Variants in UPB1 observed in about 807,000 individuals in gnomAD.
UPB1 encodes the protein beta-ureidopropionase.
Under a neutral mutation model 49.1 loss-of-function variants are expected in UPB1, and 40 were observed. That is an observed-to-expected ratio of 0.81 (90% confidence interval 0.63 to 1.06). UPB1 has a LOEUF of 1.06. Among genes scored for constraint, UPB1 ranks in the 50% least tolerant of loss-of-function variants. The probability of loss-of-function intolerance (pLI) is 0.00; values close to 1 mark genes in which losing one functional copy is unlikely to be tolerated. For synonymous variants in UPB1, 207 were observed against 198.2 expected, an observed-to-expected ratio of 1.04 and a Z score of -0.38; for missense variants, 499 against 505.9, an observed-to-expected ratio of 0.99 and a Z score of 0.13.
chr22:24,504,904 A>ATTTTTTT (rs56198043), intron 3 of UPB1, among the ~76,000 whole-genome samples: 4 of 109,364 alleles, frequency 3.7e-5, no homozygotes, highest in African/African-American at 1.0e-4. Context: ...ATTTTCTTGA[A>ATTTTTTT]TTTTTTTTTT....
intron 3 of UPB1, 72 bp downstream of exon 3, chr22:24,502,285 GT>G: frequency 6.8e-7 from 1 of 1,467,984 alleles, no homozygotes; most frequent in South Asian, 1.1e-5. Context: ...TGCCAAGAGT[GT>G]CTGCTGCCTG....
At chr22:24,520,823 T>C (rs1327899810) in intron 7 of UPB1, among the ~76,000 whole-genome samples, 1 of 152,204 alleles carries the variant, frequency 6.6e-6, no homozygotes, top group Non-Finnish European at 1.5e-5. Flanking sequence ...AATCAGAAGA[T>C]CTTTTCAGTC....
Position 24,515,242 on chromosome 22 carries a change from C to G in UPB1, c.663C>G (p.Phe221Leu). 6.2e-7 allele frequency: 1 copy of G among 1,614,208 alleles called. No individual in the cohort carries two copies. The highest frequency in any genetic ancestry group is 8.5e-7 in the Non-Finnish European group (1 of 1,180,046). ...AGGGAAACCTGGGCCACCCCGTGTT[C>G]CAGACGCAGTTCGGAAGGATCGCGG... is the stretch of plus-strand genomic sequence containing the variant. The part of the protein sequence containing the change: ...YMEGNLGHPV[F>L]QTQFGRIAVN... Residue 221 changes from phenylalanine to leucine, a missense_variant, in exon 6 of 10, where the codon TTC becomes TTG. Phe to Leu is a conservative substitution (Grantham distance 22). Transcript: ENST00000326010.
rs556265264 is a variant in UPB1, at chr22:24,523,844, G to C, written c.1071+71G>C. On this transcript the variant is annotated intron_variant, in intron 9 of 9. Coordinates refer to ENST00000326010, the MANE Select transcript of UPB1 (RefSeq NM_016327.3). Reference sequence around the variant, plus strand: ...CCTCATCCTGCTCTCAGGAACTGCTGTTGCGGGGTTGCCCATGGCAGCATG... The same window carrying C: ...CCTCATCCTGCTCTCAGGAACTGCTCTTGCGGGGTTGCCCATGGCAGCATG... 606 of 1,607,302 alleles carry C rather than the reference G, an allele frequency of 3.8e-4. 5 individuals carry two copies. Among genetic ancestry groups the C allele is most frequent in the Middle Eastern group, 3.3e-4 (2 of 6,052 alleles).
Position 24,510,755 on chromosome 22 carries a change from C to A in UPB1, c.371C>A (p.Pro124His), listed in dbSNP as rs201546475. ...IICFQEAWTMPFAFCTREKLP... is the reference protein window; with the variant it reads ...IICFQEAWTMHFAFCTREKLP... ...CCCTTTCTCCTATTTATAGCTATGC[C>A]CTTTGCCTTCTGTACGAGAGAGAAG... Residue 124 changes from proline (P) to histidine (H), a missense_variant, in exon 4 of 10, where the codon CCC becomes CAC. Physicochemically the swap from Pro to His is moderately conservative, Grantham distance 77. Transcript: ENST00000326010. 3 of 1,614,096 alleles carry A rather than the reference C, an allele frequency of 1.9e-6. No individual in the cohort carries two copies. The highest frequency in any genetic ancestry group is 4.5e-5 in the East Asian group (2 of 44,886).
At chr22:24,522,788 C>CA (rs2044418116) in intron 8 of UPB1, among the ~76,000 whole-genome samples, 1 of 145,692 alleles carries the variant, frequency 6.9e-6, no homozygotes, top group Admixed American at 6.8e-5. Context: ...AAAAAAAATA[C>CA]AAAAAATTAG....
intron 6 of UPB1, among the ~76,000 whole-genome samples, chr22:24,517,550 C>T (rs991236927): frequency 7.2e-5 from 11 of 152,230 alleles, no homozygotes; most frequent in African/African-American, 1.2e-4. Context: ...GATGGCTCCT[C>T]GCCTTGTGTG....
In UPB1 at chr22:24,513,405, G is replaced by C. The variant is rs2044241096; in HGVS notation, c.541G>C (p.Ala181Pro). Reference sequence around the variant, plus strand: ...GCATGGGGATGTTTTGTGGAATACAGCCGTGGTGATCTCCAATTCCGGAGC... The same window carrying C: ...GCATGGGGATGTTTTGTGGAATACACCCGTGGTGATCTCCAATTCCGGAGC... ...SEHGDVLWNTAVVISNSGAVL... is the reference protein window; with the variant it reads ...SEHGDVLWNTPVVISNSGAVL... The change falls in exon 5 of 10, where the codon GCC becomes CCC. Residue 181 changes from alanine (A) to proline (P), a missense_variant. Physicochemically the swap from Ala to Pro is conservative, Grantham distance 27. Coordinates refer to ENST00000326010, the MANE Select transcript of UPB1 (RefSeq NM_016327.3). The C allele has an allele frequency of 6.2e-7, 1 of 1,614,094 alleles. No individual in the cohort carries two copies. The highest frequency in any genetic ancestry group is 2.2e-5 in the East Asian group (1 of 44,902).
chr22:24,496,390 C>CACACACACACACAT (rs1386643708), intron 1 of UPB1, among the ~76,000 whole-genome samples: 1 of 138,704 alleles, frequency 7.2e-6, no homozygotes, highest in Non-Finnish European at 1.5e-5. Context: ...CACACACACA[C>CACACACACACACAT]ACACACACAC....
At chr22:24,524,447 G>A (rs757784728) in intron 9 of UPB1, among the ~76,000 whole-genome samples, 7 of 152,158 alleles carry the variant, frequency 4.6e-5, no homozygotes, top group African/African-American at 7.2e-5. Flanking sequence ...ATTAGTGTCC[G>A]AAAGTATTTC....
At chr22:24,519,930 G>A (rs1053432378) in intron 6 of UPB1, 1 of 278,798 alleles carries the variant, frequency 3.6e-6, no homozygotes, top group Admixed American at 4.9e-5. Flanking sequence ...CAGCCCAGCA[G>A]GTGGGTTCCA....
intron 3 of UPB1, among the ~76,000 whole-genome samples, chr22:24,507,349 C>T (rs530052427): frequency 1.3e-5 from 2 of 152,110 alleles, no homozygotes; most frequent in Admixed American, 6.5e-5. Flanking sequence ...GCTGGCAGTG[C>T]CTGCCGCCTG....
At chr22:24,498,568 A>G (rs1568978385) in intron 1 of UPB1, among the ~76,000 whole-genome samples, 2 of 152,150 alleles carry the variant, frequency 1.3e-5, no homozygotes, top group African/African-American at 4.8e-5. Flanking sequence ...TTGGCTTAGA[A>G]TGAGCTCGCA....
intron 4 of UPB1, 131 bp downstream of exon 4, chr22:24,510,974 A>C: frequency 1.1e-6 from 1 of 927,836 alleles, no homozygotes; most frequent in Non-Finnish European, 1.7e-6. Flanking sequence ...GCCAGATAAG[A>C]TTAGATAAGA....
chr22:24,510,994 A>G (rs1198811293), intron 4 of UPB1, 151 bp downstream of exon 4: 4 of 740,970 alleles, frequency 5.4e-6, no homozygotes, highest in South Asian at 3.1e-5. Context: ...ACTATCTGCC[A>G]CTTTTTTTTT....
chr22:24,520,283 C>CA (rs2044364615), intron 6 of UPB1, 104 bp from the exon 7 acceptor site: 1 of 1,311,570 alleles, frequency 7.6e-7, no homozygotes, highest in Non-Finnish European at 1.1e-6. Flanking sequence ...CTGTCCCCAC[C>CA]ACTGGCCCAG....
intron 3 of UPB1, 108 bp from the exon 4 acceptor site, chr22:24,510,641 A>C: frequency 8.4e-7 from 1 of 1,196,140 alleles, no homozygotes; most frequent in Non-Finnish European, 1.2e-6. Flanking sequence ...AGGCCATGGC[A>C]CTCCTGAGAC....
At chr22:24,517,477 AC>A (rs1361559679) in intron 6 of UPB1, among the ~76,000 whole-genome samples, 4 of 152,196 alleles carry the variant, frequency 2.6e-5, no homozygotes. Context: ...CCCTAGAGGA[AC>A]CCGAAGCACT....
At chr22:24,500,919 C>T (rs901638735) in intron 2 of UPB1, among the ~76,000 whole-genome samples, 2 of 152,160 alleles carry the variant, frequency 1.3e-5, no homozygotes, top group African/African-American at 2.4e-5. Flanking sequence ...CAGGATACGG[C>T]GTGTTTGAGG....
Sources: gnomAD v4.1 joint callset for allele counts (sites outside exome capture counted in the v4.1 genomes callset) on GRCh38, gnomAD v4.1.1 for gene constraint, MANE v1.5 for transcripts, NCBI Gene and HGNC (gene_info 2026-07-23, HGNC 2026-07-21) for gene names.